Variants in EPB41L4B observed in about 807,000 individuals in gnomAD.
EPB41L4B encodes band 4.1-like protein 4B.
EPB41L4B carries 30 observed loss-of-function variants against 112.5 expected under a neutral mutation model. That is an observed-to-expected ratio of 0.27 (90% CI 0.20 to 0.36). The LOEUF is 0.36. Among genes scored for constraint, EPB41L4B ranks in the 10% least tolerant of loss-of-function variants. The probability of loss-of-function intolerance (pLI) is 1.00; values close to 1 mark genes in which losing one functional copy is unlikely to be tolerated. For missense variants in EPB41L4B, 1,024 were observed against 1,133.3 expected, an observed-to-expected ratio of 0.90 and a Z score of 1.38; for synonymous variants, 408 against 439.7, an observed-to-expected ratio of 0.93 and a Z score of 0.90.
Position 109,197,963 on chromosome 9 carries a change from T to C in EPB41L4B, c.2045+2273A>G, listed in dbSNP as rs143292233. Among the ~76,000 whole-genome samples, 3 of 152,290 alleles carry C rather than the reference T, an allele frequency of 2.0e-5. No homozygotes were observed. The East Asian group carries it at 5.8e-4, about 29-fold the overall frequency. Reference sequence around the variant, plus strand: ...GATAGTAACATTTTGAGTTTCAAAATGTAAAAGGAATGGCAAGTTCTGCCA... The same window carrying C: ...GATAGTAACATTTTGAGTTTCAAAACGTAAAAGGAATGGCAAGTTCTGCCA... On this transcript the variant is annotated intron_variant, in intron 20 of 25. Transcript: ENST00000374566.
At chr9:109,186,315 G>A (rs1832263552) in intron 22 of EPB41L4B, among the ~76,000 whole-genome samples, 1 of 151,904 alleles carries the variant, frequency 6.6e-6, no homozygotes, top group African/African-American at 2.4e-5. Context: ...AGCCCCCAAA[G>A]TAGCTGGGAC....
chr9:109,276,145 G>A (rs540806629), intron 2 of EPB41L4B, among the ~76,000 whole-genome samples: 18 of 137,786 alleles, frequency 1.3e-4, no homozygotes, highest in Admixed American at 8.8e-4. Flanking sequence ...TAATATATAC[G>A]TGTGTGTATA....
At chr9:109,268,562 G>A in intron 2 of EPB41L4B, 129 bp from the exon 3 acceptor site, 1 of 787,546 alleles carries the variant, frequency 1.3e-6, no homozygotes, top group Non-Finnish European at 2.0e-6. Context: ...CATATCATGG[G>A]TTCTTAGGCT....
chr9:109,288,491 C>T (rs1486834599), intron 1 of EPB41L4B, among the ~76,000 whole-genome samples: 4 of 151,774 alleles, frequency 2.6e-5, no homozygotes, highest in African/African-American at 4.8e-5. Context: ...GAGGCCGAGG[C>T]GGGCGGATCA....
At chr9:109,262,098 T>C (rs1399164603) in intron 6 of EPB41L4B, among the ~76,000 whole-genome samples, 1 of 152,170 alleles carries the variant, frequency 6.6e-6, no homozygotes, top group Non-Finnish European at 1.5e-5. Context: ...CACCAGGGCA[T>C]CACACAGATA....
chr9:109,220,893 C>T (rs1032227534), intron 15 of EPB41L4B, among the ~76,000 whole-genome samples: 1 of 152,152 alleles, frequency 6.6e-6, no homozygotes, highest in Admixed American at 6.5e-5. Flanking sequence ...GAGTATCCAC[C>T]CTCTTCATGC....
At chr9:109,306,374 G>A (rs577792592) in intron 1 of EPB41L4B, among the ~76,000 whole-genome samples, 16 of 152,336 alleles carry the variant, frequency 1.1e-4, no homozygotes, top group Admixed American at 8.5e-4. Flanking sequence ...CACTTTGGGA[G>A]GCCGAGGTGG....
intron 20 of EPB41L4B, among the ~76,000 whole-genome samples, chr9:109,198,305 G>C (rs945245560): frequency 3.0e-4 from 46 of 152,272 alleles, no homozygotes; most frequent in African/African-American, 1.0e-3. Flanking sequence ...CCAGGTCCTA[G>C]AGAAGAAAGA....
rs1430249431 is a variant in EPB41L4B at position 109,305,748 on chromosome 9, C to A, written c.306+14393G>T. ...GACCAGCCTGGTCAACATGGTGAAA[C>A]CCCGTCTTTACTAAAAATACAAAAA... On this transcript the variant is annotated intron_variant, in intron 1 of 25. Transcript: ENST00000374566. Among the ~76,000 whole-genome samples, 13 of 152,126 alleles carry A rather than the reference C, an allele frequency of 8.5e-5. No individual in the cohort carries two copies. The East Asian group carries it at 2.5e-3, about 29-fold the overall frequency.
intron 1 of EPB41L4B, among the ~76,000 whole-genome samples, chr9:109,284,871 A>G (rs991703832): frequency 2.6e-5 from 4 of 152,166 alleles, no homozygotes; most frequent in Non-Finnish European, 5.9e-5. Context: ...CACAATACCT[A>G]TTATCATGGC....
rs1475791563 is a variant in EPB41L4B at position 109,175,508 on chromosome 9, CACACAG to C, written c.2634-891_2634-886del. On this transcript the variant is annotated intron_variant, in intron 25 of 25. Coordinates refer to ENST00000374566, the MANE Select transcript of EPB41L4B (RefSeq NM_019114.5). ...ACACACACACACACACACACACACA[CACACAG>C]AGTAAATACACATCTTTTCATTGTT... Among the ~76,000 whole-genome samples the C allele has an allele frequency of 1.2e-3, 173 of 143,602 alleles. 2 individuals carry two copies. Among genetic ancestry groups the C allele is most frequent in the African/African-American group, 4.4e-3 (164 of 37,268 alleles). The allele number at this position is 143,602 out of a possible 152,430, so 94.2% of individuals were successfully genotyped here. A position where few individuals can be genotyped will look rare whatever the true frequency, so the allele number is the denominator to read the frequency against.
chr9:109,316,639 C>T (rs1487665657), intron 1 of EPB41L4B, among the ~76,000 whole-genome samples: 3 of 152,186 alleles, frequency 2.0e-5, no homozygotes, highest in Admixed American at 6.5e-5. Flanking sequence ...AGGACTGGCT[C>T]AGGCTGGCAC....
At chr9:109,279,307 T>C (rs991545324) in intron 2 of EPB41L4B, among the ~76,000 whole-genome samples, 8 of 151,562 alleles carry the variant, frequency 5.3e-5, no homozygotes, top group African/African-American at 1.7e-4. Flanking sequence ...GCCTTGACCA[T>C]CTGGGTTCAA....
Position 109,185,583 on chromosome 9 carries a change from T to G in EPB41L4B, c.2324A>C (p.His775Pro). 1 of 1,608,936 alleles carries G rather than the reference T, an allele frequency of 6.2e-7. No individual in the cohort carries two copies. The highest frequency in any genetic ancestry group is 2.2e-5 in the East Asian group (1 of 44,676). Reference sequence around the variant, plus strand: ...AGGAGAACAGCGAGAGTGGGCACAGTGGGGGTTGCTGGCGGGCTCTGCCTG... The same window carrying G: ...AGGAGAACAGCGAGAGTGGGCACAGGGGGGGTTGCTGGCGGGCTCTGCCTG... ...TPLAEPASNP[H>P]CAHSRCSPPL... Residue 775 changes from histidine (H) to proline (P), a missense_variant, in exon 23 of 26, where the codon CAC (histidine) becomes CCC (proline). By Grantham distance (77) the His-to-Pro change is moderately conservative. Coordinates refer to ENST00000374566, the MANE Select transcript of EPB41L4B (RefSeq NM_019114.5).
At chr9:109,230,621 A>ACATGTTC (rs1437563685) in intron 15 of EPB41L4B, among the ~76,000 whole-genome samples, 2 of 152,326 alleles carry the variant, frequency 1.3e-5, no homozygotes, top group Admixed American at 1.3e-4. Context: ...ATACATTGTT[A>ACATGTTC]CATGTTCTTA....
At chr9:109,294,984 C>T (rs992256108) in intron 1 of EPB41L4B, among the ~76,000 whole-genome samples, 3 of 152,150 alleles carry the variant, frequency 2.0e-5, no homozygotes, top group African/African-American at 7.2e-5. Context: ...GTCTGACATC[C>T]ACGGTGACGA....
At chr9:109,225,713 G>A (rs974399078) in intron 15 of EPB41L4B, among the ~76,000 whole-genome samples, 1 of 152,170 alleles carries the variant, frequency 6.6e-6, no homozygotes, top group Non-Finnish European at 1.5e-5. Context: ...TGGGGTAGGG[G>A]TGCCCAACCC....
chr9:109,175,208 A>G (rs1261823629), intron 25 of EPB41L4B, among the ~76,000 whole-genome samples: 1 of 151,856 alleles, frequency 6.6e-6, no homozygotes, highest in Non-Finnish European at 1.5e-5. Context: ...TGAGCCACCA[A>G]GCCCGGCCCT....
intron 17 of EPB41L4B, among the ~76,000 whole-genome samples, chr9:109,212,998 T>C (rs1347179020): frequency 2.0e-5 from 3 of 152,210 alleles, no homozygotes; most frequent in Non-Finnish European, 4.4e-5. Flanking sequence ...CCAAGGACAC[T>C]GGATCGAGAG....
Sources: gnomAD v4.1 joint callset for allele counts (sites outside exome capture counted in the v4.1 genomes callset) on GRCh38, gnomAD v4.1.1 for gene constraint, MANE v1.5 for transcripts, NCBI Gene and HGNC (gene_info 2026-07-23, HGNC 2026-07-21) for gene names.